USP1: variants seen among roughly 807,000 people sequenced by gnomAD.
The protein encoded by USP1 is ubiquitin specific peptidase 1.
USP1 carries 18 observed loss-of-function variants against 72.2 expected under a neutral mutation model. The observed-to-expected ratio is 0.25, with a 90% CI of 0.17 to 0.37. USP1 has a LOEUF of 0.37. Among genes scored for constraint, USP1 ranks in the 10% least tolerant of loss-of-function variants. The probability of loss-of-function intolerance (pLI) is 1.00; values close to 1 mark genes in which losing one functional copy is unlikely to be tolerated. For missense variants in USP1, 759 were observed against 884.9 expected (o/e 0.86, Z 1.81); for synonymous variants, 354 against 303.7 (o/e 1.17, Z -1.72).
intron 6 of USP1, 91 bp downstream of exon 6, chr1:62,445,520 T>C (rs17381154): frequency 0.025 from 29,890 of 1,213,206 alleles, 479 homozygotes; most frequent in Admixed American, 0.048. Context: ...CAATATAATC[T>C]CTGGCTAAAA....
chr1:62,439,897 T>C lies in USP1; in HGVS notation c.30T>C (p.Asn10=). The change falls in exon 2 of 9, where the codon AAT becomes AAC. Residue 10 remains asparagine (N), a synonymous_variant. Coordinates refer to ENST00000339950, the MANE Select transcript of USP1 (RefSeq NM_003368.5). MPGVIPSES[N]GLSRGSPSKK... ...CTGGTGTCATACCTAGTGAAAGTAATGGACTTTCAAGAGGTAGCCCTTCAA... is the reference window on the plus strand; with the variant it reads ...CTGGTGTCATACCTAGTGAAAGTAACGGACTTTCAAGAGGTAGCCCTTCAA... 1 of 1,526,906 alleles carries C rather than the reference T, an allele frequency of 6.5e-7. No homozygotes were observed. The allele number at this position is 1,526,906 out of a possible 1,614,324, so 94.6% of individuals were successfully genotyped here. A position where few individuals can be genotyped will look rare whatever the true frequency, so the allele number is the denominator to read the frequency against.
chr1:62,451,240 G>A lies in USP1; in HGVS notation c.*259G>A, dbSNP rs1022784815. Reference sequence around the variant, plus strand: ...GGTTCTTAATTAAATTATCCAAAACGGAGGCATTTAAACACTTGGATTTAC... The same window carrying A: ...GGTTCTTAATTAAATTATCCAAAACAGAGGCATTTAAACACTTGGATTTAC... On this transcript the variant is annotated 3_prime_UTR_variant, in exon 9 of 9. Coordinates refer to ENST00000339950, the MANE Select transcript of USP1 (RefSeq NM_003368.5). 4 of 299,022 alleles carry A rather than the reference G, an allele frequency of 1.3e-5. No homozygotes were observed. Among genetic ancestry groups the A allele is most frequent in the African/African-American group, 4.3e-5 (2 of 46,116 alleles). 18.5% of individuals were successfully genotyped at this position (299,022 alleles called of 1,614,324 possible).
rs1159048629 is a variant in USP1 at position 62,440,366 on chromosome 1, TA to T, written c.170+330del. Among the ~76,000 whole-genome samples, 14 of 55,332 alleles carry T rather than the reference TA, an allele frequency of 2.5e-4. No homozygotes were observed. In the South Asian group the frequency reaches 2.8e-3, roughly 11 times the overall value. The allele number at this position is 55,332 out of a possible 152,430, so 36.3% of individuals were successfully genotyped here. A position where few individuals can be genotyped will look rare whatever the true frequency, so the allele number is the denominator to read the frequency against. On this transcript the variant is annotated intron_variant, in intron 2 of 8. Transcript: ENST00000339950. ...ATCTGTGTAGGGGTAAAAGGTTTTA[TA>T]TATATATATATATATATTTGTTTGG...
At chr1:62,444,152 G>A (rs1645152769) in intron 5 of USP1, among the ~76,000 whole-genome samples, 1 of 151,526 alleles carries the variant, frequency 6.6e-6, no homozygotes, top group South Asian at 2.1e-4. Flanking sequence ...CCACCTACTC[G>A]GGAGACTGAG....
intron 1 of USP1, among the ~76,000 whole-genome samples, chr1:62,437,634 G>T (rs1483424454): frequency 6.6e-6 from 1 of 152,222 alleles, no homozygotes; most frequent in Non-Finnish European, 1.5e-5. Context: ...AGGGCGCCCG[G>T]CGCGGGGGTG....
At chr1:62,445,621 C>CAT (rs1028239105) in intron 6 of USP1, among the ~76,000 whole-genome samples, 192 bp downstream of exon 6, 3 of 127,422 alleles carry the variant, frequency 2.4e-5, no homozygotes, top group East Asian at 4.1e-4. Context: ...ATATTGTATG[C>CAT]ATATATATGT....
At position 62,448,476 on chromosome 1, in the gene USP1, C is replaced by T. The variant is rs1645192014; in HGVS notation, c.1432C>T (p.Pro478Ser). 2 of 1,613,632 alleles carry T rather than the reference C, an allele frequency of 1.2e-6. No homozygotes were observed. The highest frequency in any genetic ancestry group is 1.7e-6 in the Non-Finnish European group (2 of 1,179,780). ...ATTCTCTTTTTTAGTTTCTCCAGAG[C>T]CAAAAACAGAAATGAAGACCCTGAG... ...VEESSEISPE[P>S]KTEMKTLRWA... is the part of the protein sequence containing the mutation. The change falls in exon 8 of 9, where the codon CCA (proline) becomes TCA (serine). Residue 478 changes from proline to serine, a missense_variant. By Grantham distance (74) the Pro-to-Ser change is moderately conservative. Around this residue, in one of 9 missense-constraint regions of USP1, gnomAD observed 140 missense variants for 222.8 expected, o/e 0.63. Transcript: ENST00000339950.
At chr1:62,436,552 C>G (rs908940712), upstream of USP1, 2 of 152,350 alleles carry the variant, frequency 1.3e-5, no homozygotes, top group African/African-American at 4.8e-5. Context: ...ATCTAATTGG[C>G]TTTGGTCTAG....
At chr1:62,441,977 C>G (rs1446971462) in intron 3 of USP1, among the ~76,000 whole-genome samples, 4 of 152,102 alleles carry the variant, frequency 2.6e-5, no homozygotes, top group Non-Finnish European at 5.9e-5. Flanking sequence ...ACCTTAAAGT[C>G]TTAGCAATAT....
intron 6 of USP1, among the ~76,000 whole-genome samples, chr1:62,446,072 A>C (rs907348370): frequency 6.6e-6 from 1 of 152,194 alleles, no homozygotes; most frequent in African/African-American, 2.4e-5. Flanking sequence ...TTTGACATAA[A>C]CTGATGAAGG....
At position 62,437,177 on chromosome 1, in the gene USP1, C is replaced by T. The variant is rs1039114940; in HGVS notation, c.-293C>T. 7 of 398,812 alleles carry T rather than the reference C, an allele frequency of 1.8e-5. No individual in the cohort carries two copies. The highest frequency in any genetic ancestry group is 3.1e-5 in the Non-Finnish European group (7 of 226,068). The allele number at this position is 398,812 out of a possible 1,614,324, so 24.7% of individuals were successfully genotyped here. ...GGCGGGCGCAGATGGGCGCCGCTCC[C>T]GGGATGTAGTTGGTGTTGGTGCAAG... On this transcript the variant is annotated 5_prime_UTR_variant, in exon 1 of 9. Coordinates refer to ENST00000339950, the MANE Select transcript of USP1 (RefSeq NM_003368.5).
In USP1 at chr1:62,437,059, C is replaced by G. The variant is rs1055352620; in HGVS notation, c.-411C>G. ...GGTCCTGAGACTGAGGAAAACGCGC[C>G]AAGTTCCCCTCGGTGGCGGAGTGCT... On this transcript the variant is annotated 5_prime_UTR_variant, in exon 1 of 9. Transcript: ENST00000339950. 2.5e-6 allele frequency: 1 copy of G among 398,802 alleles called. No homozygotes were observed. The highest frequency in any genetic ancestry group is 4.4e-6 in the Non-Finnish European group (1 of 225,928). The allele number at this position is 398,802 out of a possible 1,614,324, so 24.7% of individuals were successfully genotyped here.
intron 1 of USP1, among the ~76,000 whole-genome samples, chr1:62,438,093 C>T (rs1243972128): frequency 1.3e-5 from 2 of 151,826 alleles, no homozygotes; most frequent in African/African-American, 4.8e-5. Context: ...GATACTGCAC[C>T]TGGCAAAATG....
Position 62,439,838 on chromosome 1 carries a change from C to G in USP1, c.-30C>G. ...TACAACTTTCCTCTATAAATTAACTCTTGACACTCCTTGGGATTTGAAGAA... is the reference window on the plus strand; with the variant it reads ...TACAACTTTCCTCTATAAATTAACTGTTGACACTCCTTGGGATTTGAAGAA... On this transcript the variant is annotated 5_prime_UTR_variant, in exon 2 of 9. Transcript: ENST00000339950. 2 of 1,361,552 alleles carry G rather than the reference C, an allele frequency of 1.5e-6. No individual in the cohort carries two copies. Among genetic ancestry groups the G allele is most frequent in the Non-Finnish European group, 1.9e-6 (2 of 1,047,886 alleles). 84.3% of individuals were successfully genotyped at this position (1,361,552 alleles called of 1,614,324 possible).
intron 4 of USP1, among the ~76,000 whole-genome samples, 168 bp from the exon 5 acceptor site, chr1:62,442,991 C>G (rs1645144153): frequency 1.3e-5 from 2 of 151,978 alleles, no homozygotes; most frequent in Admixed American, 1.3e-4. Flanking sequence ...GACAGAGACC[C>G]TGTCTCAAAA....
At chr1:62,442,143 T>A in intron 3 of USP1, 52 bp from the exon 4 acceptor site, 1 of 1,205,314 alleles carries the variant, frequency 8.3e-7, no homozygotes, top group Non-Finnish European at 1.2e-6. Flanking sequence ...TTTAATGATT[T>A]TACGTGTATT....
At chr1:62,437,561 T>TGCC (rs1471639044) in intron 1 of USP1, among the ~76,000 whole-genome samples, 161 bp downstream of exon 1, 12 of 151,848 alleles carry the variant, frequency 7.9e-5, no homozygotes, top group Admixed American at 7.9e-4. Context: ...GCGCCTGTCT[T>TGCC]GCCGCCGCCG....
intron 8 of USP1, 86 bp downstream of exon 8, chr1:62,448,752 A>C: frequency 7.5e-7 from 1 of 1,326,604 alleles, no homozygotes; most frequent in Non-Finnish European, 1.1e-6. Context: ...TAGTAGGAAT[A>C]TAAAGTACTG....
Position 62,439,915 on chromosome 1 carries a change from C to A in USP1, c.48C>A (p.Ser16Arg). ...AAAGTAATGGACTTTCAAGAGGTAGCCCTTCAAAGAAAAACAGACTTTCCT... is the reference window on the plus strand; with the variant it reads ...AAAGTAATGGACTTTCAAGAGGTAGACCTTCAAAGAAAAACAGACTTTCCT... ...PSESNGLSRGSPSKKNRLSLK... is the reference protein window; with the variant it reads ...PSESNGLSRGRPSKKNRLSLK... The change falls in exon 2 of 9, where the codon AGC (serine) becomes AGA (arginine). Residue 16 changes from serine (S) to arginine (R), a missense_variant. By Grantham distance (110) the Ser-to-Arg change is moderately radical. This residue lies in a region of USP1 where 86 missense variants were observed against 82.0 expected (regional missense o/e 1.05). Transcript: ENST00000339950. 6.4e-7 allele frequency: 1 copy of A among 1,558,810 alleles called. No homozygotes were observed. Among genetic ancestry groups the A allele is most frequent in the Non-Finnish European group, 8.6e-7 (1 of 1,157,920 alleles).
Sources: gnomAD v4.1 joint callset for allele counts (sites outside exome capture counted in the v4.1 genomes callset) on GRCh38, gnomAD v4.1.1 for gene constraint, gnomAD v4.1.1 regional missense constraint, MANE v1.5 for transcripts, NCBI Gene and HGNC (gene_info 2026-07-23, HGNC 2026-07-21) for gene names.